Variants in ITPRID1 observed in about 807,000 individuals in gnomAD.
ITPRID1 encodes the protein protein ITPRID1.
Under a neutral mutation model 95.4 loss-of-function variants are expected in ITPRID1, and 96 were observed. The observed-to-expected ratio is 1.01, with a 90% confidence interval of 0.85 to 1.19. ITPRID1 has a LOEUF of 1.19. Among genes scored for constraint, ITPRID1 ranks in the 50% most tolerant of loss-of-function variants. The pLI is 0.00. For synonymous variants in ITPRID1, 510 were observed against 453.6 expected (o/e 1.12, Z -1.58); for missense variants, 1,339 against 1,252.9 (o/e 1.07, Z -1.04).
chr7:31,598,496 C>T (rs1012586902), intron 10 of ITPRID1, among the ~76,000 whole-genome samples: 22 of 150,456 alleles, frequency 1.5e-4, no homozygotes, highest in African/African-American at 4.4e-4. Flanking sequence ...CTCCGCCTCC[C>T]GGGTTCAGGC....
At chr7:31,584,591 T>C (rs1785520505) in intron 10 of ITPRID1, among the ~76,000 whole-genome samples, 1 of 152,190 alleles carries the variant, frequency 6.6e-6, no homozygotes, top group African/African-American at 2.4e-5. Flanking sequence ...TCATCTCGAA[T>C]TGAGAGAGCA....
At chr7:31,514,330 C>T (rs1782985151) in intron 1 of ITPRID1, 1 of 152,164 alleles carries the variant, frequency 6.6e-6, no homozygotes, top group South Asian at 2.1e-4. Context: ...TGTAACCTAG[C>T]TAATAGGCTT....
At chr7:31,622,306 T>G (rs1787989640) in intron 10 of ITPRID1, among the ~76,000 whole-genome samples, 1 of 151,920 alleles carries the variant, frequency 6.6e-6, no homozygotes, top group African/African-American at 2.4e-5. Context: ...ATATACATTT[T>G]TTTTTCAGCA....
intron 10 of ITPRID1, among the ~76,000 whole-genome samples, chr7:31,641,137 G>A (rs377107728): frequency 6.6e-6 from 1 of 152,130 alleles, no homozygotes; most frequent in African/African-American, 2.4e-5. Flanking sequence ...TGCTGCTCTT[G>A]TGAGTGGAAC....
intron 1 of ITPRID1, chr7:31,529,566 G>C (rs1783527990): frequency 3.9e-6 from 2 of 514,598 alleles, no homozygotes; most frequent in Non-Finnish European, 6.9e-6. Context: ...AGTGGGTAGA[G>C]AGAATCACTT....
chr7:31,609,640 T>C (rs1355710267), intron 10 of ITPRID1, among the ~76,000 whole-genome samples: 1 of 151,604 alleles, frequency 6.6e-6, no homozygotes, highest in Non-Finnish European at 1.5e-5. Flanking sequence ...AATTACATCC[T>C]CTCTTTCATT....
chr7:31,651,379 C>T (rs947366287), intron 13 of ITPRID1, 110 bp downstream of exon 13: 30 of 1,253,594 alleles, frequency 2.4e-5, no homozygotes, highest in Middle Eastern at 2.4e-4. Flanking sequence ...AATGAGAAAC[C>T]GGCCAGCTTT....
intron 1 of ITPRID1, among the ~76,000 whole-genome samples, chr7:31,547,742 C>T (rs1784147622): frequency 6.6e-6 from 1 of 151,886 alleles, no homozygotes; most frequent in Admixed American, 6.6e-5. Context: ...GAATAGTGGC[C>T]CTGTTTACTG....
Position 31,595,169 on chromosome 7 carries a change from C to T in ITPRID1, c.1228+11978C>T, listed in dbSNP as rs191065146. 2.4e-3 allele frequency among the ~76,000 whole-genome samples: 366 copies of T among 150,824 alleles called. 1 individual carries two copies. The highest frequency in any genetic ancestry group is 3.8e-3 in the Non-Finnish European group (259 of 67,748). Reference sequence around the variant, plus strand: ...AAGTGGTTCTCCTGCCTCAGCCTCCCGAGTAGCTGGGATTACAGGCATGAG... The same window carrying T: ...AAGTGGTTCTCCTGCCTCAGCCTCCTGAGTAGCTGGGATTACAGGCATGAG... On this transcript the variant is annotated intron_variant, in intron 10 of 14. Transcript: ENST00000615280.
Position 31,652,684 on chromosome 7 carries a change from G to C in ITPRID1, c.2990G>C (p.Gly997Ala). 6.2e-7 allele frequency: 1 copy of C among 1,613,938 alleles called. No individual in the cohort carries two copies. Among genetic ancestry groups the C allele is most frequent in the Non-Finnish European group, 8.5e-7 (1 of 1,179,886 alleles). ...PDDGQEAPCSGGTQLAAFTPP... is the reference protein window; with the variant it reads ...PDDGQEAPCSAGTQLAAFTPP... ...GATGGCCAGGAGGCTCCCTGTTCAG[G>C]TGGGACCCAGTTGGCTGCCTTCACT... The change falls in exon 15 of 15, where the codon GGT (glycine) becomes GCT (alanine). Residue 997 changes from glycine (G) to alanine (A), a missense_variant. By Grantham distance (60) the Gly-to-Ala change is moderately conservative (BLOSUM62 0). Coordinates refer to ENST00000615280, the MANE Select transcript of ITPRID1 (RefSeq NM_001257967.3).
At chr7:31,614,892 C>A (rs1428994761) in intron 10 of ITPRID1, among the ~76,000 whole-genome samples, 1 of 152,060 alleles carries the variant, frequency 6.6e-6, no homozygotes, top group Non-Finnish European at 1.5e-5. Flanking sequence ...CACAAGGAAC[C>A]CTAGAGTGTC....
intron 1 of ITPRID1, among the ~76,000 whole-genome samples, chr7:31,544,214 AT>A (rs918775085): frequency 9.2e-4 from 140 of 152,098 alleles, no homozygotes; most frequent in Non-Finnish European, 1.8e-3. Flanking sequence ...TTGGCTACTG[AT>A]TTTTTGTAGA....
In ITPRID1 at chr7:31,643,279, G is replaced by C; in HGVS notation, c.1909G>C (p.Glu637Gln). The change falls in exon 12 of 15, where the codon GAA (glutamate) becomes CAA (glutamine). Residue 637 changes from glutamate (E) to glutamine (Q), a missense_variant. Coordinates refer to ENST00000615280, the MANE Select transcript of ITPRID1 (RefSeq NM_001257967.3). ...CACCAACCACAGCTTACTCGTACCA[G>C]AAAGCTCATCACAGTGTATCCCCAA... ...PHTNHSLLVP[E>Q]SSSQCIPKHS... The C allele has an allele frequency of 1.2e-6, 2 of 1,613,798 alleles. No homozygotes were observed. Among genetic ancestry groups the C allele is most frequent in the Non-Finnish European group, 1.7e-6 (2 of 1,179,876 alleles).
intron 1 of ITPRID1, among the ~76,000 whole-genome samples, chr7:31,515,127 G>C (rs1265497595): frequency 1.3e-5 from 2 of 151,962 alleles, no homozygotes; most frequent in Non-Finnish European, 2.9e-5. Context: ...TCTAAGGCAA[G>C]AGATCAAGAA....
At chr7:31,518,412 TATA>T (rs1247020788) in intron 1 of ITPRID1, 8 of 152,256 alleles carry the variant, frequency 5.3e-5, no homozygotes, top group Non-Finnish European at 1.2e-4. Flanking sequence ...ACATATAAAC[TATA>T]ATAGGCTCTT....
chr7:31,535,540 T>A (rs1325716223), intron 1 of ITPRID1, among the ~76,000 whole-genome samples: 1 of 152,020 alleles, frequency 6.6e-6, no homozygotes, highest in Non-Finnish European at 1.5e-5. Context: ...GAAATAACTT[T>A]GAAGGTTTTT....
At chr7:31,619,666 C>G (rs552655991) in intron 10 of ITPRID1, among the ~76,000 whole-genome samples, 6 of 152,188 alleles carry the variant, frequency 3.9e-5, no homozygotes, top group African/African-American at 1.2e-4. Flanking sequence ...TCTACAGCCC[C>G]CAGCGTGAGC....
intron 3 of ITPRID1, 98 bp downstream of exon 3, chr7:31,553,285 T>A: frequency 8.4e-7 from 1 of 1,192,152 alleles, no homozygotes; most frequent in Non-Finnish European, 1.2e-6. Flanking sequence ...GGAACAAAAG[T>A]ATTTGGCTTT....
At chr7:31,609,345 CTCTT>C (rs1247876036) in intron 10 of ITPRID1, among the ~76,000 whole-genome samples, 5 of 151,580 alleles carry the variant, frequency 3.3e-5, no homozygotes, top group Admixed American at 6.6e-5. Flanking sequence ...TGTGTCCTCT[CTCTT>C]ATATCTTTTG....
Sources: allele counts gnomAD v4.1 joint callset (sites outside exome capture counted in the v4.1 genomes callset), GRCh38; gene constraint gnomAD v4.1.1; transcripts MANE v1.5; gene names NCBI Gene and HGNC (gene_info 2026-07-23, HGNC 2026-07-21).